MAMLD1: variants seen among roughly 807,000 people sequenced by gnomAD.
MAMLD1 encodes mastermind-like domain-containing protein 1.
MAMLD1 carries 14 observed loss-of-function variants against 45.0 expected under a neutral mutation model. The ratio of observed to expected loss-of-function variants is 0.31; its 90% CI spans 0.21 to 0.49. The LOEUF (loss-of-function observed/expected upper bound fraction) is 0.49, where lower values mean the gene tolerates loss of function less well. Among genes scored for constraint, MAMLD1 ranks in the 20% least tolerant of loss-of-function variants. The pLI is 0.99. For synonymous variants in MAMLD1, 254 were observed against 247.8 expected, an observed-to-expected ratio of 1.02 and a Z score of -0.24; for missense variants, 543 against 603.6, an observed-to-expected ratio of 0.90 and a Z score of 1.05.
intron 1 of MAMLD1, among the ~76,000 whole-genome samples, chrX:150,389,308 A>G (rs2033072519): frequency 8.9e-6 from 1 of 111,738 alleles, no homozygotes; most frequent in South Asian, 3.8e-4. Context: ...TGGCCTCCCG[A>G]AGTGCTAGGA....
chrX:150,481,504 A>G (rs1173545927), intron 5 of MAMLD1, among the ~76,000 whole-genome samples: 3 of 112,064 alleles, frequency 2.7e-5, no homozygotes, highest in Non-Finnish European at 5.6e-5. Flanking sequence ...CGTATGATCC[A>G]GTGATTCCAC....
At chrX:150,396,784 C>T (rs1557402288) in intron 1 of MAMLD1, among the ~76,000 whole-genome samples, 1 of 111,754 alleles carries the variant, frequency 8.9e-6, no homozygotes, top group Non-Finnish European at 1.9e-5. Context: ...TGCCTGTTGA[C>T]AGTTCCATGT....
intron 1 of MAMLD1, among the ~76,000 whole-genome samples, chrX:150,430,019 C>CTTTTTTT (rs1174092962): frequency 0.039 from 1,931 of 49,020 alleles, 40 homozygotes; most frequent in Non-Finnish European, 0.049. Context: ...TCTTTCTTTT[C>CTTTTTTT]TTTTTTTTTT....
chrX:150,504,507 C>G, intron 6 of MAMLD1: 3 of 593,216 alleles, frequency 5.1e-6, no homozygotes, highest in Non-Finnish European at 4.1e-6. Context: ...CTCTCTCTCT[C>G]AGAGTCACAG....
chrX:150,483,975 G>A (rs1189148380), intron 5 of MAMLD1, among the ~76,000 whole-genome samples: 2 of 112,232 alleles, frequency 1.8e-5, no homozygotes, highest in Non-Finnish European at 3.8e-5. Context: ...CCTAACATAA[G>A]CCAATCGATT....
chrX:150,473,886 T>C, intron 5 of MAMLD1, 84 bp downstream of exon 5: 1 of 1,010,199 alleles, frequency 9.9e-7, no homozygotes, highest in Non-Finnish European at 1.4e-6. Context: ...ATCAGCTGGC[T>C]CAGAGGGAGA....
At chrX:150,414,218 A>G (rs2124539226) in intron 1 of MAMLD1, among the ~76,000 whole-genome samples, 1 of 110,638 alleles carries the variant, frequency 9.0e-6, no homozygotes, top group East Asian at 2.8e-4. Flanking sequence ...AGCCAGCGCA[A>G]AGTGTGTTTA....
rs373970502 is a variant in MAMLD1 at position 150,445,584 on chromosome X, G to A, written c.68G>A (p.Arg23His). Reference protein sequence around the residue: ...MLPHFAMVGNRQEPRKLQESG... With the variant: ...MLPHFAMVGNHQEPRKLQESG... Reference sequence around the variant, plus strand: ...CCCCATTTCGCCATGGTGGGAAATCGTCAGGAGCCCAGAAAGCTCCAGGAA... The same window carrying A: ...CCCCATTTCGCCATGGTGGGAAATCATCAGGAGCCCAGAAAGCTCCAGGAA... Residue 23 changes from arginine to histidine, a missense_variant, in exon 2 of 8, where the codon CGT becomes CAT. Coordinates refer to ENST00000370401, the MANE Select transcript of MAMLD1 (RefSeq NM_005491.5). 10 of 1,209,748 alleles carry A rather than the reference G, an allele frequency of 8.3e-6. No homozygotes were observed. The East Asian group carries it at 8.9e-5, about 11-fold the overall frequency.
At chrX:150,442,749 C>T (rs1397173925) in intron 1 of MAMLD1, among the ~76,000 whole-genome samples, 2 of 111,747 alleles carry the variant, frequency 1.8e-5, no homozygotes, top group African/African-American at 6.5e-5. Context: ...TTCCATTGGT[C>T]TTTATTCCCT....
At chrX:150,388,387 C>T (rs2033026444) in intron 1 of MAMLD1, among the ~76,000 whole-genome samples, 1 of 110,965 alleles carries the variant, frequency 9.0e-6, no homozygotes, top group African/African-American at 3.3e-5. Flanking sequence ...GTAAGTATTC[C>T]CTGCTCTTCT....
chrX:150,426,687 C>T (rs1602760965), intron 1 of MAMLD1, among the ~76,000 whole-genome samples: 1 of 111,125 alleles, frequency 9.0e-6, no homozygotes, highest in East Asian at 2.8e-4. Context: ...CCAAGGACTG[C>T]TCTGGGCTCA....
intron 1 of MAMLD1, among the ~76,000 whole-genome samples, chrX:150,403,954 A>AG (rs2033907309): frequency 1.2e-5 from 1 of 81,336 alleles, no homozygotes; most frequent in Non-Finnish European, 2.4e-5. Flanking sequence ...GAAAGAAAGA[A>AG]AGAAAGAAAG....
chrX:150,512,208 C>T lies in MAMLD1; in HGVS notation c.*249C>T. The T allele has an allele frequency of 1.8e-6, 2 of 1,128,382 alleles. No individual in the cohort carries two copies. Among genetic ancestry groups the T allele is most frequent in the Non-Finnish European group, 1.2e-6 (1 of 857,376 alleles). The allele number at this position is 1,128,382 out of a possible 1,213,427, so 93.0% of individuals were successfully genotyped here. A position where few individuals can be genotyped will look rare whatever the true frequency, so the allele number is the denominator to read the frequency against. ...CGGCAAGGAATTTTCACCTCCAGCCCCCAGTGTCCCATCCTCTCACACTCA... is the reference window on the plus strand; with the variant it reads ...CGGCAAGGAATTTTCACCTCCAGCCTCCAGTGTCCCATCCTCTCACACTCA... On this transcript the variant is annotated 3_prime_UTR_variant, in exon 8 of 8. Transcript: ENST00000370401.
intron 7 of MAMLD1, 151 bp from the exon 8 acceptor site, chrX:150,511,853 C>T (rs1175173146): frequency 3.0e-5 from 12 of 401,956 alleles, no homozygotes; most frequent in Non-Finnish European, 4.7e-5. Context: ...AGGGGAATGG[C>T]GAGGAACTGG....
chrX:150,475,269 ATAT>A (rs1357285999), intron 5 of MAMLD1, among the ~76,000 whole-genome samples: 2 of 111,312 alleles, frequency 1.8e-5, no homozygotes, highest in Non-Finnish European at 3.8e-5. Context: ...GGGTCTCACT[ATAT>A]TGCCCAGTCT....
chrX:150,471,890 G>A (rs1436024076), intron 4 of MAMLD1, among the ~76,000 whole-genome samples: 2 of 112,479 alleles, frequency 1.8e-5, no homozygotes, highest in African/African-American at 3.2e-5. Context: ...GCTGGCAGAA[G>A]GACAAACACT....
chrX:150,473,342 G>A (rs1364306219), intron 4 of MAMLD1, among the ~76,000 whole-genome samples: 1 of 112,373 alleles, frequency 8.9e-6, no homozygotes, highest in Non-Finnish European at 1.9e-5. Flanking sequence ...GAGTGGTCAA[G>A]GAGGAGATTA....
At chrX:150,413,764 C>T (rs895603250) in intron 1 of MAMLD1, among the ~76,000 whole-genome samples, 1 of 110,475 alleles carries the variant, frequency 9.1e-6, no homozygotes. Context: ...GACTGTCATA[C>T]CCCACAGAAG....
At chrX:150,489,970 G>C (rs1348009486) in intron 5 of MAMLD1, among the ~76,000 whole-genome samples, 1 of 111,466 alleles carries the variant, frequency 9.0e-6, no homozygotes, top group Non-Finnish European at 1.9e-5. Flanking sequence ...CAGGCCAATA[G>C]AGAGTCCTTG....
Sources: gnomAD v4.1 joint callset for allele counts (sites outside exome capture counted in the v4.1 genomes callset) on GRCh38, gnomAD v4.1.1 for gene constraint, MANE v1.5 for transcripts, NCBI Gene and HGNC (gene_info 2026-07-23, HGNC 2026-07-21) for gene names.